CAST: variants seen among roughly 807,000 people sequenced by gnomAD.
The protein encoded by CAST is calpastatin, also known as MIR583 host.
Under a neutral mutation model 119.6 loss-of-function variants are expected in CAST, and 76 were observed. The observed-to-expected ratio is 0.64, with a 90% CI of 0.53 to 0.77. The LOEUF (loss-of-function observed/expected upper bound fraction) is 0.77. Among genes scored for constraint, CAST ranks in the 30% least tolerant of loss-of-function variants. CAST has a pLI of 0.00. For synonymous variants in CAST, 319 were observed against 331.6 expected (o/e 0.96, Z 0.41); for missense variants, 953 against 946.5 (o/e 1.01, Z -0.09).
At chr5:96,243,383 G>C in the CAST span, among the ~76,000 whole-genome samples, 1 of 151,460 alleles carries the variant, frequency 6.6e-6, no homozygotes, top group Admixed American at 6.6e-5. Flanking sequence ...GGTAATGGAA[G>C]AAGAATTTTC....
chr5:96,401,837 G>A, the CAST span, among the ~76,000 whole-genome samples: 1 of 152,096 alleles, frequency 6.6e-6, no homozygotes, highest in Non-Finnish European at 1.5e-5. Flanking sequence ...AAGAATGCTG[G>A]GCACAGGGTA....
chr5:96,533,209 G>T (rs1360021258), intron 1 of CAST, among the ~76,000 whole-genome samples: 1 of 152,086 alleles, frequency 6.6e-6, no homozygotes, highest in Non-Finnish European at 1.5e-5. Context: ...TTTTATATAT[G>T]CAAGGACTCA....
At chr5:96,168,422 G>A in the CAST span, among the ~76,000 whole-genome samples, 2 of 152,192 alleles carry the variant, frequency 1.3e-5, no homozygotes, top group Non-Finnish European at 2.9e-5. Context: ...ACAGCATGGT[G>A]GTGCAGGACA....
the CAST span, among the ~76,000 whole-genome samples, chr5:96,366,376 C>A: frequency 6.6e-6 from 1 of 152,162 alleles, no homozygotes; most frequent in Non-Finnish European, 1.5e-5. Flanking sequence ...TGTTGGCCTG[C>A]CTTGCTAGGT....
the CAST span, among the ~76,000 whole-genome samples, chr5:96,044,183 G>T: frequency 6.6e-6 from 1 of 152,198 alleles, no homozygotes; most frequent in Non-Finnish European, 1.5e-5. Context: ...TCGTTCAGCA[G>T]TGCTATGGTT....
chr5:96,753,377 G>C (rs1487278992), intron 20 of CAST, among the ~76,000 whole-genome samples: 1 of 152,132 alleles, frequency 6.6e-6, no homozygotes, highest in Non-Finnish European at 1.5e-5. Flanking sequence ...ATGTACAGAC[G>C]ATTCCCTTTA....
the CAST span, among the ~76,000 whole-genome samples, chr5:96,334,720 T>A: frequency 6.6e-6 from 1 of 152,166 alleles, no homozygotes; most frequent in African/African-American, 2.4e-5. Flanking sequence ...AGGATGGAGC[T>A]GCTACCTCAG....
chr5:96,363,962 T>C, the CAST span, among the ~76,000 whole-genome samples: 8 of 152,226 alleles, frequency 5.3e-5, no homozygotes, highest in African/African-American at 1.9e-4. Context: ...TGATATTGGC[T>C]GTGGGTTTGT....
chr5:96,176,823 C>T, the CAST span, among the ~76,000 whole-genome samples: 13 of 152,154 alleles, frequency 8.5e-5, no homozygotes, highest in Non-Finnish European at 1.5e-4. Context: ...GAGGCTGCTA[C>T]TGCTTTCTTA....
the CAST span, among the ~76,000 whole-genome samples, chr5:96,047,663 G>A: frequency 1.3e-5 from 2 of 152,132 alleles, no homozygotes; most frequent in African/African-American, 4.8e-5. Context: ...AGTGTCTACC[G>A]AATGTCAAAC....
chr5:96,378,208 A>G, the CAST span, among the ~76,000 whole-genome samples: 1 of 152,164 alleles, frequency 6.6e-6, no homozygotes, highest in East Asian at 1.9e-4. Context: ...AAAGATATAA[A>G]GTTTCAGTTA....
intron 1 of CAST, among the ~76,000 whole-genome samples, chr5:96,647,659 T>TAATA (rs572547169): frequency 1.4e-3 from 209 of 152,166 alleles, no homozygotes; most frequent in Non-Finnish European, 2.4e-3. Context: ...TAAAAATACA[T>TAATA]AATAAATAAA....
the CAST span, among the ~76,000 whole-genome samples, chr5:96,438,137 G>T: frequency 6.6e-6 from 1 of 151,990 alleles, no homozygotes; most frequent in Non-Finnish European, 1.5e-5. Flanking sequence ...TCTTTCAATA[G>T]AATTTTTTAA....
chr5:96,553,333 C>A (rs1746173170), intron 1 of CAST, among the ~76,000 whole-genome samples: 1 of 152,178 alleles, frequency 6.6e-6, no homozygotes. Flanking sequence ...TCAATAGATG[C>A]AGAAAAGGCC....
intron 3 of CAST, among the ~76,000 whole-genome samples, chr5:96,711,625 C>T (rs1318094631): frequency 6.6e-6 from 1 of 151,992 alleles, no homozygotes; most frequent in South Asian, 2.1e-4. Flanking sequence ...AATAACTTAC[C>T]CTAGGTCACT....
At chr5:96,703,323 T>A (rs1754261484) in intron 3 of CAST, among the ~76,000 whole-genome samples, 1 of 152,106 alleles carries the variant, frequency 6.6e-6, no homozygotes, top group African/African-American at 2.4e-5. Context: ...GAGATAGATC[T>A]CCTCCTCCCC....
the CAST span, among the ~76,000 whole-genome samples, chr5:96,045,851 CA>C: frequency 2.0e-5 from 3 of 151,958 alleles, no homozygotes; most frequent in Non-Finnish European, 2.9e-5. Context: ...AATATAGGTA[CA>C]AAAAAGTTTC....
the CAST span, among the ~76,000 whole-genome samples, chr5:95,967,790 G>A: frequency 2.0e-5 from 3 of 152,096 alleles, no homozygotes; most frequent in Admixed American, 6.5e-5. Flanking sequence ...AAATTACCCA[G>A]TCTTGTTTAT....
intron 1 of CAST, among the ~76,000 whole-genome samples, chr5:96,663,426 A>G (rs551423947): frequency 1.3e-5 from 2 of 152,320 alleles, no homozygotes; most frequent in Non-Finnish European, 2.9e-5. Flanking sequence ...GTCAAGCACT[A>G]TGCTCTGCTG....
Sources: allele counts gnomAD v4.1 joint callset (sites outside exome capture counted in the v4.1 genomes callset), GRCh38; gene constraint gnomAD v4.1.1; transcripts MANE v1.5; gene names NCBI Gene and HGNC (gene_info 2026-07-23, HGNC 2026-07-21).